RALGAPA2: variants seen among roughly 807,000 people sequenced by gnomAD.
The protein encoded by RALGAPA2 is ral GTPase-activating protein subunit alpha-2.
RALGAPA2 carries 139 observed loss-of-function variants against 230.4 expected under a neutral mutation model. The ratio of observed to expected loss-of-function variants is 0.60; its 90% confidence interval spans 0.53 to 0.69. The LOEUF is 0.69. Ranked by LOEUF, RALGAPA2 falls within the 30% of genes least tolerant of loss-of-function variation. The pLI is 0.00. For synonymous variants in RALGAPA2, 847 were observed against 837.8 expected (o/e 1.01, Z -0.19); for missense variants, 2,163 against 2,276.0 (o/e 0.95, Z 1.01).
intron 33 of RALGAPA2, among the ~76,000 whole-genome samples, chr20:20,506,831 T>A (rs2062550532): frequency 6.6e-6 from 1 of 152,200 alleles, no homozygotes; most frequent in Non-Finnish European, 1.5e-5. Context: ...ACTAACTGAT[T>A]CTCAATTAAA....
chr20:20,508,834 T>C (rs1043979676), intron 33 of RALGAPA2, among the ~76,000 whole-genome samples: 1 of 152,234 alleles, frequency 6.6e-6, no homozygotes, highest in African/African-American at 2.4e-5. Context: ...GATACCCATT[T>C]GATGTCAAGA....
rs892655498 is a variant in RALGAPA2, at chr20:20,389,660, T to C, written c.*3629A>G. 2 of 151,948 alleles carry C rather than the reference T, an allele frequency of 1.3e-5. No homozygotes were observed. The highest frequency in any genetic ancestry group is 6.6e-5 in the Admixed American group (1 of 15,244). The allele number at this position is 151,948 out of a possible 1,614,324, so 9.4% of individuals were successfully genotyped here. ...TTTCCACTTTATTAAATCATCACAG[T>C]AAATCAGAATTAAAGAGTAAAAGAG... is the stretch of plus-strand genomic sequence containing the variant. On this transcript the variant is annotated 3_prime_UTR_variant, in exon 40 of 40. Transcript: ENST00000202677.
intron 1 of RALGAPA2, among the ~76,000 whole-genome samples, chr20:20,702,838 G>A (rs2069441197): frequency 6.6e-6 from 1 of 152,118 alleles, no homozygotes. Flanking sequence ...TTTATCAAAA[G>A]GGATTTTTTT....
intron 37 of RALGAPA2, among the ~76,000 whole-genome samples, chr20:20,414,554 T>C (rs2060129034): frequency 6.6e-6 from 1 of 152,192 alleles, no homozygotes; most frequent in South Asian, 2.1e-4. Flanking sequence ...CAATCCTGGA[T>C]GGCACTATCA....
chr20:20,396,594 C>T, intron 39 of RALGAPA2, 101 bp downstream of exon 39: 1 of 1,107,476 alleles, frequency 9.0e-7, no homozygotes, highest in Non-Finnish European at 1.3e-6. Flanking sequence ...GGGCGAGGAG[C>T]ACTGATGCAG....
rs80122384 is a variant in RALGAPA2, at chr20:20,480,708, G to A, written c.5368-7752C>T. On this transcript the variant is annotated intron_variant, in intron 36 of 39. Coordinates refer to ENST00000202677, the MANE Select transcript of RALGAPA2 (RefSeq NM_020343.4). ...CTGCTGTACAAAGCGGATGCGGAAGGGTTCTCATGGAGCACTCACTCCTGA... is the reference window on the plus strand; with the variant it reads ...CTGCTGTACAAAGCGGATGCGGAAGAGTTCTCATGGAGCACTCACTCCTGA... Among the ~76,000 whole-genome samples the A allele has an allele frequency of 1.5e-3, 224 of 152,124 alleles. 1 individual carries two copies. The highest frequency in any genetic ancestry group is 5.2e-3 in the African/African-American group (214 of 41,502).
intron 31 of RALGAPA2, among the ~76,000 whole-genome samples, chr20:20,520,107 C>T (rs563677904): frequency 6.6e-6 from 1 of 152,142 alleles, no homozygotes; most frequent in East Asian, 1.9e-4. Context: ...AGCAGTAATA[C>T]AGAGAGACCT....
chr20:20,619,192 T>G, intron 12 of RALGAPA2, 85 bp downstream of exon 12: 1 of 1,278,942 alleles, frequency 7.8e-7, no homozygotes, highest in Non-Finnish European at 1.0e-6. Context: ...ATACTTTATA[T>G]GACATTATCC....
At chr20:20,396,945 TGA>T (rs1305504158) in intron 38 of RALGAPA2, among the ~76,000 whole-genome samples, 2 of 152,174 alleles carry the variant, frequency 1.3e-5, no homozygotes, top group Non-Finnish European at 2.9e-5. Flanking sequence ...AAATGTGAAA[TGA>T]GAGAGACATT....
Position 20,629,540 on chromosome 20 carries a change from A to G in RALGAPA2, c.1056T>C (p.Gly352=), listed in dbSNP as rs561291350. ...VQERAPELDG[G]GPTEQDKSHS... is the part of the protein sequence containing the mutation. ...GGCTTTTGTCCTGCTCCGTGGGCCC[A>G]CCACCATCCAGCTCAGGCGCTCTCT... The change falls in exon 10 of 40, where the codon GGT becomes GGC. Residue 352 remains glycine, a synonymous_variant. Coordinates refer to ENST00000202677, the MANE Select transcript of RALGAPA2 (RefSeq NM_020343.4). The G allele has an allele frequency of 8.1e-6, 13 of 1,613,836 alleles. No homozygotes were observed. In the East Asian group the frequency reaches 2.5e-4, roughly 30 times the overall value.
intron 37 of RALGAPA2, among the ~76,000 whole-genome samples, chr20:20,455,152 G>A (rs1270094117): frequency 6.6e-6 from 1 of 152,204 alleles, no homozygotes; most frequent in Non-Finnish European, 1.5e-5. Context: ...AAGCCCCGGA[G>A]CTGCTGCCTC....
At chr20:20,458,792 A>ATATATATATAGACCTATATATATAGACC (rs2061215973) in intron 37 of RALGAPA2, among the ~76,000 whole-genome samples, 2 of 15,736 alleles carry the variant, frequency 1.3e-4, no homozygotes, top group African/African-American at 2.0e-4. Context: ...ATATAGACCT[A>ATATATATATAGACCTATATATATAGACC]TATATATATA....
At chr20:20,439,566 A>C (rs2060691152) in intron 37 of RALGAPA2, among the ~76,000 whole-genome samples, 1 of 152,180 alleles carries the variant, frequency 6.6e-6, no homozygotes, top group Non-Finnish European at 1.5e-5. Context: ...ACCCAACAGG[A>C]AACATTTTTC....
intron 35 of RALGAPA2, among the ~76,000 whole-genome samples, chr20:20,503,028 A>T (rs1346083329): frequency 6.6e-6 from 1 of 152,176 alleles, no homozygotes; most frequent in Non-Finnish European, 1.5e-5. Context: ...ACTTATGTTG[A>T]CAGATGCTGC....
intron 20 of RALGAPA2, among the ~76,000 whole-genome samples, chr20:20,579,539 C>T (rs972510981): frequency 1.3e-5 from 2 of 152,154 alleles, no homozygotes; most frequent in African/African-American, 4.8e-5. Context: ...CTTTGTGGTT[C>T]TGCTAAACCA....
Position 20,670,941 on chromosome 20 carries a change from C to A in RALGAPA2, c.270+5295G>T, listed in dbSNP as rs185454555. On this transcript the variant is annotated intron_variant, in intron 3 of 39. Transcript: ENST00000202677. ...CTCCAGCCTGGGCGACAGAGCAAGA[C>A]TCCGTCTCAAAAAAAAAAAAAAAAA... 3.6e-3 allele frequency among the ~76,000 whole-genome samples: 522 copies of A among 143,360 alleles called. 2 individuals carry two copies. The highest frequency in any genetic ancestry group is 0.013 in the African/African-American group (490 of 38,452). 94.0% of individuals were successfully genotyped at this position (143,360 alleles called of 152,430 possible). A position where few individuals can be genotyped will look rare whatever the true frequency, so the allele number is the denominator to read the frequency against.
intron 37 of RALGAPA2, among the ~76,000 whole-genome samples, chr20:20,419,225 G>A (rs1303765680): frequency 6.6e-6 from 1 of 152,148 alleles, no homozygotes. Context: ...ACGTGTTTTA[G>A]TGTTCCTTAG....
chr20:20,646,414 G>A (rs2067217493), intron 4 of RALGAPA2, among the ~76,000 whole-genome samples: 1 of 152,096 alleles, frequency 6.6e-6, no homozygotes. Flanking sequence ...TAATTTTTAA[G>A]TTCCTCTATA....
At chr20:20,568,435 T>C (rs1438207428) in intron 23 of RALGAPA2, among the ~76,000 whole-genome samples, 2 of 152,198 alleles carry the variant, frequency 1.3e-5, no homozygotes, top group Non-Finnish European at 2.9e-5. Context: ...GTTTGGTATA[T>C]GTATTATTAT....
Sources: allele counts gnomAD v4.1 joint callset (sites outside exome capture counted in the v4.1 genomes callset), GRCh38; gene constraint gnomAD v4.1.1; transcripts MANE v1.5; gene names NCBI Gene and HGNC (gene_info 2026-07-23, HGNC 2026-07-21).